The following PPP6R1 variants were observed in gnomAD, a reference collection of about 807,000 sequenced individuals.
PPP6R1 encodes serine/threonine-protein phosphatase 6 regulatory subunit 1.
Under a neutral mutation model 104.6 loss-of-function variants are expected in PPP6R1, and 39 were observed. That is an observed-to-expected ratio of 0.37 (90% CI 0.29 to 0.49). PPP6R1 has a LOEUF of 0.49. Ranked by LOEUF, PPP6R1 falls within the 20% of genes least tolerant of loss-of-function variation. The pLI is 0.98. For synonymous variants in PPP6R1, 549 were observed against 479.0 expected (o/e 1.15, Z -1.91); for missense variants, 1,181 against 1,155.8 (o/e 1.02, Z -0.32).
rs770211358 is a variant in PPP6R1, at chr19:55,242,314, C to T, written c.732-35G>A. On this transcript the variant is annotated intron_variant, in intron 6 of 23. Coordinates refer to ENST00000412770, the MANE Select transcript of PPP6R1 (RefSeq NM_014931.4). ...CAGGGGCAGGGGTCAGGGTGAGGGG[C>T]CAGGGGCCCAGGGCTTCCCCAAGTC... The T allele has an allele frequency of 1.8e-4, 290 of 1,612,474 alleles. 1 individual carries two copies. Among genetic ancestry groups the T allele is most frequent in the Non-Finnish European group, 2.4e-4 (286 of 1,178,684 alleles).
Position 55,241,304 on chromosome 19 carries a change from G to C in PPP6R1, c.1096C>G (p.Leu366Val). The C allele has an allele frequency of 7.4e-6, 12 of 1,611,594 alleles. No individual in the cohort carries two copies. The highest frequency in any genetic ancestry group is 1.0e-5 in the Non-Finnish European group (12 of 1,179,692). Residue 366 changes from leucine (L) to valine (V), a missense_variant, in exon 9 of 24, where the codon CTG (leucine) becomes GTG (valine). Leu to Val is a conservative substitution (Grantham distance 32). This residue lies in a region of PPP6R1 where 1,042 missense variants were observed against 955.6 expected (regional missense o/e 1.09). Coordinates refer to ENST00000412770, the MANE Select transcript of PPP6R1 (RefSeq NM_014931.4). This position sits in a 1 kb window ranked among gnomAD's most constrained non-coding sequence, Gnocchi z 5.4. ...LHVVKLLASA[L>V]SANDAALTHE... ...GTCAGGGCTGCATCATTGGCGCTCA[G>C]GGCACTGGCCAGGAGCTTGACCACG...
At chr19:55,243,274 G>T (rs950277559) in intron 5 of PPP6R1, among the ~76,000 whole-genome samples, 6 of 151,942 alleles carry the variant, frequency 3.9e-5, no homozygotes, top group African/African-American at 1.5e-4. Context: ...TTAGCCAGGC[G>T]CAGTGGTAGG....
intron 1 of PPP6R1, among the ~76,000 whole-genome samples, chr19:55,251,011 G>C (rs1267187941): frequency 6.6e-6 from 1 of 152,152 alleles, no homozygotes; most frequent in Non-Finnish European, 1.5e-5. Context: ...CACTAAGCTT[G>C]GGTCTACCCC....
At position 55,230,626 on chromosome 19, in the gene PPP6R1, A is replaced by G; in HGVS notation, c.2629T>C (p.Ser877Pro). 6.2e-7 allele frequency: 1 copy of G among 1,611,920 alleles called. No homozygotes were observed. The change falls in exon 23 of 24, where the codon TCC (serine) becomes CCC (proline). Residue 877 changes from serine to proline, a missense_variant. Ser to Pro is a moderately conservative substitution (Grantham distance 74). Coordinates refer to ENST00000412770, the MANE Select transcript of PPP6R1 (RefSeq NM_014931.4). ...AGCCACACTCACTGGGAGCCTGGGG[A>G]TGCAGGCCCTTCCGGGGCAGAGCCA... Reference protein sequence around the residue: ...PNGSAPEGPASPGSQ With the variant: ...PNGSAPEGPAPPGSQ
intron 18 of PPP6R1, 33 bp from the exon 19 acceptor site, chr19:55,232,015 T>C: frequency 6.2e-7 from 1 of 1,607,276 alleles, no homozygotes. Flanking sequence ...GGATGGAGGG[T>C]GAACTCAGTA....
downstream of PPP6R1, chr19:55,228,399 G>C (rs141783629): frequency 3.8e-5 from 62 of 1,613,454 alleles, no homozygotes; most frequent in Non-Finnish European, 4.7e-5. Flanking sequence ...CGCAGCAGGA[G>C]AGGATGAAGG....
intron 11 of PPP6R1, 49 bp from the exon 12 acceptor site, chr19:55,240,163 TGCCCAGCCCCA>T (rs2087438823): frequency 6.4e-7 from 1 of 1,561,724 alleles, no homozygotes; most frequent in South Asian, 1.2e-5. Flanking sequence ...GACCCAGGGA[TGCCCAGCCCCA>T]GCCCGGCCCC....
At chr19:55,243,043 G>A (rs755094535) in intron 5 of PPP6R1, among the ~76,000 whole-genome samples, 7 of 152,008 alleles carry the variant, frequency 4.6e-5, no homozygotes, top group Non-Finnish European at 7.4e-5. Context: ...ATGAACACAG[G>A]GCATCTTTTT....
chr19:55,244,760 T>C (rs1253695537), intron 5 of PPP6R1, among the ~76,000 whole-genome samples: 1 of 152,092 alleles, frequency 6.6e-6, no homozygotes, highest in Non-Finnish European at 1.5e-5. Context: ...TTTTTTTTTT[T>C]TTGAGACAGG....
chr19:55,249,264 A>G (rs2087534787), intron 1 of PPP6R1, among the ~76,000 whole-genome samples: 1 of 152,094 alleles, frequency 6.6e-6, no homozygotes, highest in Admixed American at 6.5e-5. Context: ...TTTGTTTTTG[A>G]GGAGTCTCAC....
At chr19:55,257,604 A>G (rs2087603403) in intron 1 of PPP6R1, among the ~76,000 whole-genome samples, 1 of 150,680 alleles carries the variant, frequency 6.6e-6, no homozygotes, top group Non-Finnish European at 1.5e-5. Context: ...CCCACTCTCC[A>G]TCTGTCACCT....
intron 10 of PPP6R1, 64 bp from the exon 11 acceptor site, chr19:55,240,364 C>CTGCAGCAGGGGTCCCT (rs2087441727): frequency 1.4e-6 from 2 of 1,472,574 alleles, no homozygotes; most frequent in Non-Finnish European, 9.3e-7. Context: ...GAGCTCTGCA[C>CTGCAGCAGGGGTCCCT]TGCAGCAGGG....
At chr19:55,247,136 G>C in intron 1 of PPP6R1, 27 bp from the exon 2 acceptor site, 1 of 1,601,194 alleles carries the variant, frequency 6.2e-7, no homozygotes, top group East Asian at 2.2e-5. Context: ...AACCAGCGCC[G>C]CGTCAGACGC....
At chr19:55,230,729 A>T in intron 22 of PPP6R1, 45 bp from the exon 23 acceptor site, 1 of 1,453,396 alleles carries the variant, frequency 6.9e-7, no homozygotes, top group Non-Finnish European at 9.3e-7. Context: ...TTCCTGCCCC[A>T]CCAGCCCCAC....
At chr19:55,228,278 C>A, downstream of PPP6R1, 1 of 1,613,148 alleles carries the variant, frequency 6.2e-7, no homozygotes, top group Non-Finnish European at 8.5e-7. Context: ...GTGTAGCCCC[C>A]GCTTGGGGAC....
Position 55,240,049 on chromosome 19 carries a change from T to C in PPP6R1, c.1427A>G (p.Gln476Arg), listed in dbSNP as rs777783503. The C allele has an allele frequency of 3.1e-6, 5 of 1,603,552 alleles. No homozygotes were observed. The highest frequency in any genetic ancestry group is 1.1e-5 in the South Asian group (1 of 89,590). The change falls in exon 12 of 24, where the codon CAG becomes CGG. Residue 476 changes from glutamine to arginine, a missense_variant. Coordinates refer to ENST00000412770, the MANE Select transcript of PPP6R1 (RefSeq NM_014931.4). ...TGCATTGGGCCCCTTCTCCGTGTTC[T>C]GCACCAGGGCACCGGCCACTCTTGT... ...HLTRVAGALV[Q>R]NTEKGPNAEQ...
At chr19:55,247,250 G>T in intron 1 of PPP6R1, 141 bp from the exon 2 acceptor site, 1 of 879,676 alleles carries the variant, frequency 1.1e-6, no homozygotes, top group Non-Finnish European at 1.8e-6. Context: ...TGCTGAGCCC[G>T]GCCCCGCCCC....
At chr19:55,237,018 G>C in intron 15 of PPP6R1, 48 bp from the exon 16 acceptor site, 1 of 1,526,478 alleles carries the variant, frequency 6.6e-7, no homozygotes. Flanking sequence ...TGGGGGTGGG[G>C]GCAGCACAGG....
At chr19:55,237,076 C>T in intron 15 of PPP6R1, 106 bp from the exon 16 acceptor site, 2 of 1,249,938 alleles carry the variant, frequency 1.6e-6, no homozygotes, top group Non-Finnish European at 1.1e-6. Context: ...ACCCTCATTA[C>T]TTGCAGATTT....
Sources: allele counts gnomAD v4.1 joint callset (sites outside exome capture counted in the v4.1 genomes callset), GRCh38; gene constraint gnomAD v4.1.1; regional missense constraint gnomAD v4.1.1; non-coding constraint Gnocchi (gnomAD v3.1); transcripts MANE v1.5; gene names NCBI Gene and HGNC (gene_info 2026-07-23, HGNC 2026-07-21).